TMEM135: variants seen among roughly 807,000 people sequenced by gnomAD.
TMEM135 encodes peroxisomal membrane protein 52.
TMEM135 carries 30 observed loss-of-function variants against 60.3 expected under a neutral mutation model. The ratio of observed to expected loss-of-function variants is 0.50; its 90% CI spans 0.37 to 0.68. The LOEUF (loss-of-function observed/expected upper bound fraction) is 0.68. Among genes scored for constraint, TMEM135 ranks in the 30% least tolerant of loss-of-function variants. The pLI is 0.00. For synonymous variants in TMEM135, 190 were observed against 186.7 expected (o/e 1.02, Z -0.14); for missense variants, 468 against 548.8 (o/e 0.85, Z 1.47).
intron 6 of TMEM135, among the ~76,000 whole-genome samples, chr11:87,241,557 T>G (rs181229617): frequency 6.6e-6 from 1 of 152,242 alleles, no homozygotes; most frequent in Non-Finnish European, 1.5e-5. Flanking sequence ...AAATTATTGT[T>G]GACTGTAGTC....
chr11:87,066,863 C>T (rs1856673250), intron 1 of TMEM135, among the ~76,000 whole-genome samples: 2 of 150,176 alleles, frequency 1.3e-5, no homozygotes, highest in African/African-American at 4.9e-5. Context: ...TCACTGCAAC[C>T]TCCGCCTCCC....
At position 87,193,900 on chromosome 11, in the gene TMEM135, G is replaced by C. The variant is rs181844427; in HGVS notation, c.462+36494G>C. ...GATACACAATACATTTATTTAATTTGTGTGCATTGAAGTATTGCTGTGGAC... is the reference window on the plus strand; with the variant it reads ...GATACACAATACATTTATTTAATTTCTGTGCATTGAAGTATTGCTGTGGAC... On this transcript the variant is annotated intron_variant, in intron 5 of 14. Transcript: ENST00000305494. Among the ~76,000 whole-genome samples the C allele has an allele frequency of 2.9e-4, 44 of 151,748 alleles. 1 individual carries two copies. Among genetic ancestry groups the C allele is most frequent in the African/African-American group, 9.6e-4 (40 of 41,458 alleles).
chr11:87,236,789 G>T, intron 6 of TMEM135, 105 bp downstream of exon 6: 1 of 1,127,566 alleles, frequency 8.9e-7, no homozygotes, highest in Non-Finnish European at 1.3e-6. Flanking sequence ...TCCCTTACAA[G>T]CAGCATACTC....
chr11:87,182,435 T>C (rs993479750), intron 5 of TMEM135, among the ~76,000 whole-genome samples: 1 of 152,120 alleles, frequency 6.6e-6, no homozygotes, highest in Non-Finnish European at 1.5e-5. Context: ...ATTTAAATGG[T>C]AGCACCTTGA....
chr11:87,183,160 TGA>T (rs1939561770), intron 5 of TMEM135, among the ~76,000 whole-genome samples: 1 of 103,824 alleles, frequency 9.6e-6, no homozygotes, highest in African/African-American at 4.2e-5. Flanking sequence ...TTTTTTTTTT[TGA>T]GACAGAGTCT....
intron 6 of TMEM135, among the ~76,000 whole-genome samples, chr11:87,269,297 T>TTA (rs1192533967): frequency 2.2e-5 from 3 of 136,978 alleles, no homozygotes; most frequent in South Asian, 2.2e-4. Flanking sequence ...TTTTTTTTTT[T>TTA]ATGAGGAAGC....
At chr11:87,189,966 TAAA>T (rs1939758747) in intron 5 of TMEM135, among the ~76,000 whole-genome samples, 2 of 151,926 alleles carry the variant, frequency 1.3e-5, no homozygotes, top group Admixed American at 1.3e-4. Context: ...ATACATAAAA[TAAA>T]AAATCATTTG....
At chr11:87,264,194 G>A (rs937578191) in intron 6 of TMEM135, among the ~76,000 whole-genome samples, 1 of 151,742 alleles carries the variant, frequency 6.6e-6, no homozygotes, top group Non-Finnish European at 1.5e-5. Context: ...CTAGAAAAGA[G>A]GATAAAAGCT....
chr11:87,113,516 G>A (rs1194028738), intron 4 of TMEM135, among the ~76,000 whole-genome samples: 1 of 152,020 alleles, frequency 6.6e-6, no homozygotes, highest in Non-Finnish European at 1.5e-5. Flanking sequence ...AGTTTATTGT[G>A]TTGGTTAATA....
At position 87,060,674 on chromosome 11, in the gene TMEM135, G is replaced by A. The variant is rs554117090; in HGVS notation, c.142-7020G>A. On this transcript the variant is annotated intron_variant, in intron 1 of 14. Transcript: ENST00000305494. ...TTTTTTTTTTTTGAGACGGAGTCTC[G>A]CTCTGTCACCCAGGCTGGATTGCAG... 2.1e-4 allele frequency among the ~76,000 whole-genome samples: 31 copies of A among 145,406 alleles called. No individual in the cohort carries two copies. The East Asian group carries it at 5.2e-3, about 24-fold the overall frequency.
chr11:87,163,079 C>T (rs1326295201), intron 5 of TMEM135, among the ~76,000 whole-genome samples: 3 of 149,278 alleles, frequency 2.0e-5, no homozygotes, highest in African/African-American at 7.4e-5. Flanking sequence ...GGTACATGTG[C>T]ACATTGTGCA....
chr11:87,306,822 A>T (rs1220104780), intron 9 of TMEM135, among the ~76,000 whole-genome samples: 1 of 151,914 alleles, frequency 6.6e-6, no homozygotes, highest in Non-Finnish European at 1.5e-5. Flanking sequence ...AGGTTCAAGC[A>T]CTTCTCCCAT....
At chr11:87,194,471 G>A (rs1365472701) in intron 5 of TMEM135, among the ~76,000 whole-genome samples, 2 of 152,054 alleles carry the variant, frequency 1.3e-5, no homozygotes, top group Admixed American at 6.6e-5. Flanking sequence ...CTATTTACTT[G>A]TACAGTATAG....
chr11:87,205,711 A>G (rs1940219256), intron 5 of TMEM135, among the ~76,000 whole-genome samples: 1 of 152,188 alleles, frequency 6.6e-6, no homozygotes. Flanking sequence ...TATGAATAAG[A>G]CAGTGTCTCG....
intron 3 of TMEM135, among the ~76,000 whole-genome samples, chr11:87,072,948 T>C (rs1201231068): frequency 6.6e-6 from 1 of 152,226 alleles, no homozygotes; most frequent in African/African-American, 2.4e-5. Context: ...ATGAAGATGC[T>C]TATTGTAGTC....
intron 5 of TMEM135, among the ~76,000 whole-genome samples, chr11:87,236,264 G>T (rs1428279139): frequency 1.3e-5 from 2 of 151,816 alleles, no homozygotes; most frequent in East Asian, 3.9e-4. Flanking sequence ...TATATTAGGG[G>T]TGTCCAATCT....
At chr11:87,305,827 CTTT>C (rs199727648) in intron 8 of TMEM135, 106 bp from the exon 9 acceptor site, 10 of 421,010 alleles carry the variant, frequency 2.4e-5, no homozygotes, top group South Asian at 9.6e-5. Context: ...TCTTCTCTCT[CTTT>C]TTTTTTTTGG....
rs907336537 is a variant in TMEM135 at position 87,313,329 on chromosome 11, T to C, written c.937-96T>C. The C allele has an allele frequency of 6.0e-6, 6 of 999,244 alleles. No individual in the cohort carries two copies. The Admixed American group carries it at 1.1e-4, about 18-fold the overall frequency. The allele number at this position is 999,244 out of a possible 1,614,324, so 61.9% of individuals were successfully genotyped here. On this transcript the variant is annotated intron_variant, in intron 10 of 14. Coordinates refer to ENST00000305494, the MANE Select transcript of TMEM135 (RefSeq NM_022918.4). ...TGAGATCACTAATTGGCCTGCAAGG[T>C]AATCTGATGAATTTATTCATTATAG...
intron 9 of TMEM135, among the ~76,000 whole-genome samples, chr11:87,307,234 C>T (rs74519839): frequency 0.036 from 5,505 of 152,124 alleles, 95 homozygotes; most frequent in Admixed American, 0.046. Context: ...TTGACAGTGC[C>T]GTTAGCCCAG....
Sources: allele counts gnomAD v4.1 joint callset (sites outside exome capture counted in the v4.1 genomes callset), GRCh38; gene constraint gnomAD v4.1.1; transcripts MANE v1.5; gene names NCBI Gene and HGNC (gene_info 2026-07-23, HGNC 2026-07-21).